Variants in PDLIM5 observed in about 807,000 individuals in gnomAD.
PDLIM5 encodes the protein PDZ and LIM domain 5.
A neutral mutation model predicts 64.2 loss-of-function variants in PDLIM5; 34 were observed. That is an observed-to-expected ratio of 0.53 (90% CI 0.40 to 0.71). The LOEUF (loss-of-function observed/expected upper bound fraction) is 0.71, where lower values mean the gene tolerates loss of function less well. Ranked by LOEUF, PDLIM5 falls within the 30% of genes least tolerant of loss-of-function variation. PDLIM5 has a pLI of 0.00. For synonymous variants in PDLIM5, 253 were observed against 269.1 expected (o/e 0.94, Z 0.59); for missense variants, 683 against 733.6 (o/e 0.93, Z 0.80).
At chr4:94,503,283 A>G (rs2110086840) in intron 2 of PDLIM5, among the ~76,000 whole-genome samples, 2 of 152,326 alleles carry the variant, frequency 1.3e-5, no homozygotes, top group South Asian at 4.1e-4. Context: ...GAGCAAACTC[A>G]GGACGATAAT....
chr4:94,588,300 A>C, intron 7 of PDLIM5: 73 of 401,384 alleles, frequency 1.8e-4, no homozygotes, highest in Non-Finnish European at 2.2e-4. Context: ...GCGGTGGCTC[A>C]CGCCTGTAAT....
At chr4:94,452,996 G>C (rs1018415721) in intron 1 of PDLIM5, among the ~76,000 whole-genome samples, 8 of 151,914 alleles carry the variant, frequency 5.3e-5, no homozygotes, top group South Asian at 2.1e-4. Context: ...TTAATTTCAG[G>C]CCTTTTTTTT....
intron 9 of PDLIM5, among the ~76,000 whole-genome samples, chr4:94,646,623 A>G (rs1741433629): frequency 1.3e-5 from 2 of 152,226 alleles, no homozygotes; most frequent in Admixed American, 1.3e-4. Flanking sequence ...TGCAAAAAGG[A>G]GAGGTAAGGA....
intron 3 of PDLIM5, among the ~76,000 whole-genome samples, chr4:94,561,759 G>C (rs1169548609): frequency 6.6e-6 from 1 of 152,190 alleles, no homozygotes; most frequent in Non-Finnish European, 1.5e-5. Context: ...TATCTTAAGA[G>C]ATAGGCATCA....
At chr4:94,520,126 C>A (rs1729703309) in intron 2 of PDLIM5, among the ~76,000 whole-genome samples, 1 of 152,116 alleles carries the variant, frequency 6.6e-6, no homozygotes, top group African/African-American at 2.4e-5. Context: ...AGAGGCAGTT[C>A]CAACATGTAC....
chr4:94,630,387 T>A (rs1308266837), intron 8 of PDLIM5, among the ~76,000 whole-genome samples: 1 of 152,096 alleles, frequency 6.6e-6, no homozygotes, highest in Non-Finnish European at 1.5e-5. Context: ...ATGTATATAT[T>A]TTTTTAAGAC....
chr4:94,510,548 T>A (rs1263707442), intron 2 of PDLIM5, among the ~76,000 whole-genome samples: 1 of 152,218 alleles, frequency 6.6e-6, no homozygotes, highest in Non-Finnish European at 1.5e-5. Context: ...TTTTCAGTTT[T>A]ACTTCTGTAT....
intron 6 of PDLIM5, 21 bp from the exon 7 acceptor site, chr4:94,586,387 A>T: frequency 1.5e-6 from 2 of 1,329,582 alleles, no homozygotes; most frequent in African/African-American, 1.4e-5. Flanking sequence ...CTAATATTGG[A>T]TATTGCTTAT....
intron 9 of PDLIM5, among the ~76,000 whole-genome samples, chr4:94,649,101 G>A (rs1377778656): frequency 2.0e-5 from 3 of 151,828 alleles, no homozygotes; most frequent in Non-Finnish European, 4.4e-5. Context: ...TCAGCCTCCC[G>A]AATAGCTAAG....
intron 8 of PDLIM5, among the ~76,000 whole-genome samples, chr4:94,634,570 C>T (rs1051019075): frequency 2.0e-5 from 3 of 152,080 alleles, no homozygotes; most frequent in African/African-American, 7.2e-5. Context: ...TAGTGTATGT[C>T]GGTAGTAAGA....
Position 94,492,212 on chromosome 4 carries a change from C to T in PDLIM5, c.97-31512C>T, listed in dbSNP as rs1726941007. Among the ~76,000 whole-genome samples, 2 of 151,396 alleles carry T rather than the reference C, an allele frequency of 1.3e-5. 1 individual carries two copies. The highest frequency in any genetic ancestry group is 4.1e-4 in the South Asian group (2 of 4,830). On this transcript the variant is annotated intron_variant, in intron 2 of 12. Transcript: ENST00000317968. ...GCAGGATCTTCAATGTGTTTGCTAG[C>T]TTGAAAGGTACTCCACATTTTTATT...
chr4:94,664,127 T>C lies in PDLIM5; in HGVS notation c.*60T>C. 1 of 1,374,594 alleles carries C rather than the reference T, an allele frequency of 7.3e-7. No individual in the cohort carries two copies. 85.1% of individuals were successfully genotyped at this position (1,374,594 alleles called of 1,614,324 possible). On this transcript the variant is annotated 3_prime_UTR_variant, in exon 13 of 13. Transcript: ENST00000317968. ...AGAGAAAAAGGAAAATTAAAATTAC[T>C]AATTAATTTTTAGATTCAATATTTA...
intron 11 of PDLIM5, among the ~76,000 whole-genome samples, chr4:94,661,928 T>C (rs11097435): frequency 0.61 from 92,922 of 151,440 alleles, 29,097 homozygotes; most frequent in African/African-American, 0.73. Context: ...TCAAGCAATT[T>C]TCGTGCCTCA....
intron 2 of PDLIM5, among the ~76,000 whole-genome samples, chr4:94,497,915 A>G (rs1176951156): frequency 6.6e-6 from 1 of 152,202 alleles, no homozygotes; most frequent in Non-Finnish European, 1.5e-5. Context: ...TGCTGAGAGA[A>G]GGAACTCAGG....
At chr4:94,651,777 C>A (rs950704081) in intron 9 of PDLIM5, among the ~76,000 whole-genome samples, 2 of 152,122 alleles carry the variant, frequency 1.3e-5, no homozygotes, top group Admixed American at 6.5e-5. Flanking sequence ...CTGAATGAGA[C>A]CATGTGAAAG....
chr4:94,600,771 G>A (rs1375012241), intron 7 of PDLIM5, among the ~76,000 whole-genome samples: 3 of 151,958 alleles, frequency 2.0e-5, no homozygotes, highest in African/African-American at 7.3e-5. Flanking sequence ...TTTTATCAGG[G>A]GATTGCTCCA....
At chr4:94,522,738 T>C (rs1192073442) in intron 2 of PDLIM5, among the ~76,000 whole-genome samples, 2 of 152,180 alleles carry the variant, frequency 1.3e-5, no homozygotes, top group Non-Finnish European at 2.9e-5. Context: ...AACTTTTTCA[T>C]CATCACAAAC....
At chr4:94,470,640 A>G (rs910426488) in intron 2 of PDLIM5, among the ~76,000 whole-genome samples, 9 of 152,204 alleles carry the variant, frequency 5.9e-5, no homozygotes, top group African/African-American at 2.2e-4. Flanking sequence ...CTGAACTTTC[A>G]GAGAGATCAC....
At chr4:94,582,882 G>A in intron 5 of PDLIM5, 2 of 603,932 alleles carry the variant, frequency 3.3e-6, no homozygotes, top group Non-Finnish European at 5.9e-6. Context: ...TTTTTTTTAT[G>A]CTAGATAATT....
Sources: allele counts gnomAD v4.1 joint callset (sites outside exome capture counted in the v4.1 genomes callset), GRCh38; gene constraint gnomAD v4.1.1; transcripts MANE v1.5; gene names NCBI Gene and HGNC (gene_info 2026-07-23, HGNC 2026-07-21).